Variants in ACLY observed in about 807,000 individuals in gnomAD.
The protein encoded by ACLY is ATP citrate lyase.
ACLY carries 41 observed loss-of-function variants against 133.0 expected under a neutral mutation model. The ratio of observed to expected loss-of-function variants is 0.31; its 90% CI spans 0.24 to 0.40. ACLY has a LOEUF of 0.40. Ranked by LOEUF, ACLY falls within the 10% of genes least tolerant of loss-of-function variation. ACLY has a pLI of 1.00. For synonymous variants in ACLY, 495 were observed against 549.3 expected (o/e 0.90, Z 1.38); for missense variants, 1,046 against 1,453.8 (o/e 0.72, Z 4.56).
intron 10 of ACLY, among the ~76,000 whole-genome samples, chr17:41,902,250 G>T (rs1249188147): frequency 6.6e-6 from 1 of 152,232 alleles, no homozygotes; most frequent in East Asian, 1.9e-4. Flanking sequence ...TTCTCGCTCT[G>T]TCACCCGGGC....
chr17:41,914,644 T>TAATTTAGA (rs1246748636), intron 1 of ACLY, among the ~76,000 whole-genome samples: 3 of 152,188 alleles, frequency 2.0e-5, no homozygotes, highest in African/African-American at 7.2e-5. Flanking sequence ...CCCGCCCCAC[T>TAATTTAGA]GCGTCATCCA....
intron 16 of ACLY, 48 bp downstream of exon 16, chr17:41,892,228 GCGC>G: frequency 8.1e-7 from 1 of 1,229,406 alleles, no homozygotes; most frequent in Non-Finnish European, 1.1e-6. Flanking sequence ...TGATCTACCT[GCGC>G]ATAGTTCATG....
At chr17:41,877,292 C>G (rs1029884178) in intron 22 of ACLY, among the ~76,000 whole-genome samples, 1 of 151,984 alleles carries the variant, frequency 6.6e-6, no homozygotes, top group Non-Finnish European at 1.5e-5. Context: ...AGGAGCCCAC[C>G]ACCGCGCCTG....
intron 6 of ACLY, 34 bp from the exon 7 acceptor site, chr17:41,907,606 G>A (rs1000554337): frequency 2.5e-6 from 4 of 1,606,932 alleles, no homozygotes; most frequent in East Asian, 2.2e-5. Context: ...ATCAGACACC[G>A]GCTCTGGGTA....
chr17:41,869,858 G>T (rs782552358), intron 25 of ACLY, among the ~76,000 whole-genome samples: 5 of 152,156 alleles, frequency 3.3e-5, no homozygotes, highest in Admixed American at 6.5e-5. Context: ...GATGTTCAGG[G>T]AACTGGCCAG....
intron 14 of ACLY, among the ~76,000 whole-genome samples, chr17:41,896,239 G>A (rs1233916913): frequency 6.6e-6 from 1 of 152,142 alleles, no homozygotes; most frequent in Non-Finnish European, 1.5e-5. Flanking sequence ...AGTGACAGAC[G>A]CCCACGACTC....
chr17:41,915,533 C>A (rs1454424719), intron 1 of ACLY, among the ~76,000 whole-genome samples: 1 of 152,130 alleles, frequency 6.6e-6, no homozygotes, highest in Non-Finnish European at 1.5e-5. Flanking sequence ...CTGCCTCTGT[C>A]GGCCTCCTAG....
At chr17:41,882,751 C>T (rs936481140) in intron 20 of ACLY, among the ~76,000 whole-genome samples, 2 of 152,188 alleles carry the variant, frequency 1.3e-5, no homozygotes, top group Non-Finnish European at 2.9e-5. Flanking sequence ...CAGCTGAGCC[C>T]AGGCTGTGTC....
chr17:41,869,494 C>T lies in ACLY; in HGVS notation c.3031G>A (p.Glu1011Lys). The T allele has an allele frequency of 6.2e-7, 1 of 1,613,938 alleles. No homozygotes were observed. The highest frequency in any genetic ancestry group is 8.5e-7 in the Non-Finnish European group (1 of 1,179,924). ...TPLLDYALEV[E>K]KITTSKKPNL... ...GTTACCTTCGAGGTGGTAATCTTCT[C>T]TACTTCCAGTGCATAATCGAGCAGA... Residue 1011 changes from glutamate (E) to lysine (K), a missense_variant, in exon 26 of 29, where the codon GAG (glutamate) becomes AAG (lysine). Glu to Lys is a moderately conservative substitution (Grantham distance 56). This residue lies in a region of ACLY where 205 missense variants were observed against 373.3 expected (regional missense o/e 0.55). Transcript: ENST00000352035.
In ACLY at chr17:41,898,645, T is replaced by G; in HGVS notation, c.1324A>C (p.Ser442Arg). ...CTGGAACCTACCGATGTGCTCCCGC[T>G]GGCGTTGAGGAGGAAGTTTGCAGTG... Reference protein sequence around the residue: ...AHTANFLLNASGSTSTPAPSR... With the variant: ...AHTANFLLNARGSTSTPAPSR... Residue 442 changes from serine to arginine, a missense_variant, in exon 12 of 29, where the codon AGC (serine) becomes CGC (arginine). By Grantham distance (110) the Ser-to-Arg change is moderately radical (BLOSUM62 -1). Around this residue, in one of 4 missense-constraint regions of ACLY, gnomAD observed 575 missense variants for 804.2 expected, o/e 0.71. Transcript: ENST00000352035. The G allele has an allele frequency of 6.2e-7, 1 of 1,613,704 alleles. No individual in the cohort carries two copies. The highest frequency in any genetic ancestry group is 8.5e-7 in the Non-Finnish European group (1 of 1,179,912).
At chr17:41,918,394 T>A (rs2050112711) in intron 1 of ACLY, among the ~76,000 whole-genome samples, 1 of 152,186 alleles carries the variant, frequency 6.6e-6, no homozygotes, top group South Asian at 2.1e-4. Context: ...GAGCTCAATT[T>A]TGTACCCACG....
rs370009235 is a variant in ACLY, at chr17:41,900,031, C to T, written c.1184-1246G>A. On this transcript the variant is annotated intron_variant, in intron 11 of 28. Coordinates refer to ENST00000352035, the MANE Select transcript of ACLY (RefSeq NM_001096.3). ...TTGCAGTGAGCTGTGATCACACCAC[C>T]GCACTCCAGCCTGGGTGACAGAGTG... is the stretch of plus-strand genomic sequence containing the variant. Among the ~76,000 whole-genome samples the T allele has an allele frequency of 5.6e-4, 76 of 136,442 alleles. No homozygotes were observed. In the East Asian group the frequency reaches 6.9e-3, roughly 12 times the overall value. 89.5% of individuals were successfully genotyped at this position (136,442 alleles called of 152,430 possible). A position where few individuals can be genotyped will look rare whatever the true frequency, so the allele number is the denominator to read the frequency against.
At chr17:41,886,344 G>T in intron 17 of ACLY, 36 bp from the exon 18 acceptor site, 1 of 1,561,262 alleles carries the variant, frequency 6.4e-7, no homozygotes, top group South Asian at 1.1e-5. Context: ...GGAGGAAGGT[G>T]ACTTCCAGAT....
intron 1 of ACLY, among the ~76,000 whole-genome samples, chr17:41,915,402 A>C (rs2050024755): frequency 6.6e-6 from 1 of 152,206 alleles, no homozygotes; most frequent in Admixed American, 6.5e-5. Context: ...CGGCTTGTTT[A>C]CACGTGCTGG....
chr17:41,869,032 A>G lies in ACLY; in HGVS notation c.3134+11T>C, dbSNP rs9914829. 1,473,954 of 1,603,744 alleles carry G rather than the reference A, an allele frequency of 0.92. 678,076 individuals carry two copies. Among genetic ancestry groups the G allele is most frequent in the East Asian group, 1 (44,848 of 44,852 alleles). On this transcript the variant is annotated intron_variant, in intron 27 of 28. Transcript: ENST00000352035. ...AAACGTAATGAAGAAGAAAACAGCT[A>G]CAATGCTCACCGAGTAAAGGACCCA...
intron 1 of ACLY, among the ~76,000 whole-genome samples, chr17:41,926,008 C>T (rs569502306): frequency 6.6e-6 from 1 of 152,052 alleles, no homozygotes; most frequent in South Asian, 2.1e-4. Context: ...CCACACCAGG[C>T]TAATTTTTGT....
At chr17:41,886,891 T>G (rs1417775553) in intron 17 of ACLY, among the ~76,000 whole-genome samples, 1 of 151,466 alleles carries the variant, frequency 6.6e-6, no homozygotes, top group African/African-American at 2.4e-5. Flanking sequence ...TTGGAGGCTG[T>G]AGGGGGCAGA....
intron 16 of ACLY, among the ~76,000 whole-genome samples, chr17:41,890,795 G>A (rs1423502854): frequency 8.0e-6 from 1 of 124,676 alleles, no homozygotes; most frequent in Non-Finnish European, 1.6e-5. Context: ...AAGGCCAGGA[G>A]TTCGAGACCA....
At position 41,918,947 on chromosome 17, in the gene ACLY, C is replaced by G. The variant is rs1555634987; in HGVS notation, c.-91G>C. 18 of 1,289,154 alleles carry G rather than the reference C, an allele frequency of 1.4e-5. No individual in the cohort carries two copies. The highest frequency in any genetic ancestry group is 1.8e-5 in the Non-Finnish European group (18 of 988,674). 79.9% of individuals were successfully genotyped at this position (1,289,154 alleles called of 1,614,324 possible). A position where few individuals can be genotyped will look rare whatever the true frequency, so the allele number is the denominator to read the frequency against. ...CGAACCCCGCAAAATCCGGAGCACC[C>G]CAGCAGCCGGTAGCTTCCCGGGATC... is the stretch of plus-strand genomic sequence containing the variant. On this transcript the variant is annotated 5_prime_UTR_variant, in exon 1 of 29. Coordinates refer to ENST00000352035, the MANE Select transcript of ACLY (RefSeq NM_001096.3).
Sources: allele counts gnomAD v4.1 joint callset (sites outside exome capture counted in the v4.1 genomes callset), GRCh38; gene constraint gnomAD v4.1.1; regional missense constraint gnomAD v4.1.1; transcripts MANE v1.5; gene names NCBI Gene and HGNC (gene_info 2026-07-23, HGNC 2026-07-21).